KIF21A: variants seen among roughly 807,000 people sequenced by gnomAD.
KIF21A encodes the protein kinesin-like protein KIF21A.
A neutral mutation model predicts 202.9 loss-of-function variants in KIF21A; 114 were observed. That is an observed-to-expected ratio of 0.56 (90% confidence interval 0.48 to 0.66). KIF21A has a LOEUF of 0.66. KIF21A is among the 30% of genes least tolerant of loss of function. The pLI is 0.00. For synonymous variants in KIF21A, 667 were observed against 670.8 expected, an observed-to-expected ratio of 0.99 and a Z score of 0.09; for missense variants, 1,677 against 1,994.9, an observed-to-expected ratio of 0.84 and a Z score of 3.04.
chr12:39,417,481 T>C (rs780998288), intron 1 of KIF21A, among the ~76,000 whole-genome samples: 2 of 152,182 alleles, frequency 1.3e-5, no homozygotes, highest in Non-Finnish European at 2.9e-5. Context: ...GCCGGCTACT[T>C]TTTAACCAGT....
intron 1 of KIF21A, among the ~76,000 whole-genome samples, chr12:39,430,957 C>T (rs1165213358): frequency 1.3e-5 from 2 of 152,170 alleles, no homozygotes; most frequent in African/African-American, 4.8e-5. Flanking sequence ...CAGATGTCAG[C>T]ACCCAGAACC....
At chr12:39,394,104 G>C (rs778905013) in intron 1 of KIF21A, among the ~76,000 whole-genome samples, 5 of 152,150 alleles carry the variant, frequency 3.3e-5, no homozygotes, top group Non-Finnish European at 7.4e-5. Context: ...TGAATGCTTG[G>C]TTTCATCTCT....
At chr12:39,332,124 C>T in intron 21 of KIF21A, 90 bp downstream of exon 21, 1 of 1,209,096 alleles carries the variant, frequency 8.3e-7, no homozygotes, top group Non-Finnish European at 1.2e-6. Context: ...ATAGAAAATA[C>T]CTTCATGTAA....
intron 1 of KIF21A, among the ~76,000 whole-genome samples, chr12:39,382,097 T>C (rs1038304167): frequency 1.6e-4 from 25 of 152,176 alleles, no homozygotes; most frequent in Non-Finnish European, 3.5e-4. Flanking sequence ...TTTCAATTAA[T>C]AGATGTCTGG....
intron 1 of KIF21A, among the ~76,000 whole-genome samples, chr12:39,383,502 C>A (rs1482371000): frequency 1.3e-5 from 2 of 152,156 alleles, no homozygotes; most frequent in Non-Finnish European, 2.9e-5. Context: ...AGAGTCAATT[C>A]AATTTAACAA....
chr12:39,425,563 C>T (rs1954677849), intron 1 of KIF21A, among the ~76,000 whole-genome samples: 1 of 152,074 alleles, frequency 6.6e-6, no homozygotes, highest in South Asian at 2.1e-4. Flanking sequence ...AAAAAACCAA[C>T]ATAAGCCCAA....
intron 29 of KIF21A, among the ~76,000 whole-genome samples, chr12:39,316,469 G>C (rs1474692191): frequency 6.6e-6 from 1 of 151,980 alleles, no homozygotes; most frequent in African/African-American, 2.4e-5. Context: ...ATAACTTTTG[G>C]CTTTAACTTA....
chr12:39,307,589 G>A lies in KIF21A; in HGVS notation c.4418C>T (p.Ala1473Val). The A allele has an allele frequency of 1.2e-6, 2 of 1,614,086 alleles. No individual in the cohort carries two copies. Among genetic ancestry groups the A allele is most frequent in the Non-Finnish European group, 1.7e-6 (2 of 1,179,962 alleles). Reference protein sequence around the residue: ...GTFLYAASGNAVRMWDLKRFQ... With the variant: ...GTFLYAASGNVVRMWDLKRFQ... Reference sequence around the variant, plus strand: ...CCTTTTAAGATCCCACATCCTGACAGCATTTCCAGAAGCAGCATAGAGGAA... The same window carrying A: ...CCTTTTAAGATCCCACATCCTGACAACATTTCCAGAAGCAGCATAGAGGAA... Residue 1473 changes from alanine (A) to valine (V), a missense_variant, in exon 34 of 38, where the codon GCT (alanine) becomes GTT (valine). By Grantham distance (64) the Ala-to-Val change is moderately conservative. This residue lies in a region of KIF21A where 705 missense variants were observed against 791.9 expected (regional missense o/e 0.89). Coordinates refer to ENST00000361418, the MANE Select transcript of KIF21A (RefSeq NM_001173464.2).
chr12:39,418,995 C>T (rs768132951), intron 1 of KIF21A, among the ~76,000 whole-genome samples: 5 of 152,178 alleles, frequency 3.3e-5, no homozygotes, highest in Admixed American at 6.5e-5. Flanking sequence ...TTCTCTTAAG[C>T]GGAAAAGGCA....
At chr12:39,390,575 T>A (rs1951276045) in intron 1 of KIF21A, among the ~76,000 whole-genome samples, 1 of 152,176 alleles carries the variant, frequency 6.6e-6, no homozygotes. Flanking sequence ...AAACTTCATT[T>A]ATGTTATACC....
chr12:39,305,892 TA>T (rs1208933039), intron 34 of KIF21A, among the ~76,000 whole-genome samples: 1 of 152,178 alleles, frequency 6.6e-6, no homozygotes, highest in Non-Finnish European at 1.5e-5. Context: ...CAAATACACA[TA>T]AGTGCATGTA....
intron 1 of KIF21A, among the ~76,000 whole-genome samples, chr12:39,404,119 A>T (rs1378308938): frequency 2.0e-5 from 3 of 152,088 alleles, no homozygotes; most frequent in Admixed American, 1.3e-4. Flanking sequence ...TATGTTGCCC[A>T]GGCTAGAGTG....
chr12:39,303,173 T>C, intron 35 of KIF21A, 38 bp from the exon 36 acceptor site: 1 of 1,589,220 alleles, frequency 6.3e-7, no homozygotes, highest in South Asian at 1.1e-5. Flanking sequence ...CCTATTTAAC[T>C]TGCAAATAAA....
At position 39,442,801 on chromosome 12, in the gene KIF21A, G is replaced by C; in HGVS notation, c.44+126C>G. 1 of 1,225,878 alleles carries C rather than the reference G, an allele frequency of 8.2e-7. No homozygotes were observed. The allele number at this position is 1,225,878 out of a possible 1,614,324, so 75.9% of individuals were successfully genotyped here. On this transcript the variant is annotated intron_variant, in intron 1 of 37. Coordinates refer to ENST00000361418, the MANE Select transcript of KIF21A (RefSeq NM_001173464.2). The surrounding 1 kb of genome is among the most constrained non-coding windows in gnomAD (Gnocchi z 5.0). ...ACTCACTGCCTCAGTTTCCTCAGCC[G>C]CAGAACCCGGCCGGGACGCCCCTCA... is the stretch of plus-strand genomic sequence containing the variant.
chr12:39,425,111 C>G (rs1251093465), intron 1 of KIF21A, among the ~76,000 whole-genome samples: 1 of 152,150 alleles, frequency 6.6e-6, no homozygotes, highest in Non-Finnish European at 1.5e-5. Flanking sequence ...GCTGTTCTCT[C>G]AGGTCTTCTC....
chr12:39,294,518 C>T lies in KIF21A; in HGVS notation c.4932-1G>A. On this transcript the variant is annotated splice_acceptor_variant, in intron 37 of 37. Transcript: ENST00000361418. LOFTEE classifies it high-confidence loss of function. ...CTTCCAAATTCTCACAGTTCGATCA[C>T]TACAAAAAAATAAACAAAACATGGA... 1 of 1,611,712 alleles carries T rather than the reference C, an allele frequency of 6.2e-7. No homozygotes were observed. Among genetic ancestry groups the T allele is most frequent in the Non-Finnish European group, 8.5e-7 (1 of 1,178,156 alleles).
intron 1 of KIF21A, among the ~76,000 whole-genome samples, chr12:39,427,805 C>A (rs745423499): frequency 3.3e-5 from 5 of 152,126 alleles, no homozygotes; most frequent in Admixed American, 6.5e-5. Context: ...ATTACAGGTG[C>A]CTGCCACCAC....
In KIF21A at chr12:39,294,047, T is replaced by C. The variant is rs1256067497; in HGVS notation, c.*377A>G. 4 of 200,226 alleles carry C rather than the reference T, an allele frequency of 2.0e-5. No homozygotes were observed. The highest frequency in any genetic ancestry group is 4.1e-5 in the Non-Finnish European group (4 of 97,726). 12.4% of individuals were successfully genotyped at this position (200,226 alleles called of 1,614,324 possible). On this transcript the variant is annotated 3_prime_UTR_variant, in exon 38 of 38. Coordinates refer to ENST00000361418, the MANE Select transcript of KIF21A (RefSeq NM_001173464.2). Reference sequence around the variant, plus strand: ...AAATACATAAATCACTTGAATAAACTACATGAATGAGTTAATGGTGGGCTG... The same window carrying C: ...AAATACATAAATCACTTGAATAAACCACATGAATGAGTTAATGGTGGGCTG...
At chr12:39,357,220 C>G in intron 9 of KIF21A, 28 bp downstream of exon 9, 1 of 1,601,978 alleles carries the variant, frequency 6.2e-7, no homozygotes, top group African/African-American at 1.3e-5. Context: ...GAAGTTAATC[C>G]CTCACTTATC....
Sources: gnomAD v4.1 joint callset for allele counts (sites outside exome capture counted in the v4.1 genomes callset) on GRCh38, gnomAD v4.1.1 for gene constraint, gnomAD v4.1.1 regional missense constraint, Gnocchi (gnomAD v3.1) non-coding constraint, MANE v1.5 for transcripts, NCBI Gene and HGNC (gene_info 2026-07-23, HGNC 2026-07-21) for gene names.